YPEL1: variants seen among roughly 807,000 people sequenced by gnomAD.
The protein encoded by YPEL1 is yippee like 1, also known as protein yippee-like 1.
A neutral mutation model predicts 17.3 loss-of-function variants in YPEL1; 7 were observed. That is an observed-to-expected ratio of 0.40 (90% CI 0.23 to 0.76). The LOEUF is 0.76. Among genes scored for constraint, YPEL1 ranks in the 30% least tolerant of loss-of-function variants. The pLI is 0.35. For synonymous variants in YPEL1, 59 were observed against 59.6 expected (o/e 0.99, Z 0.05); for missense variants, 91 against 155.5 (o/e 0.59, Z 2.21).
chr22:21,720,813 GTTT>G (rs60040471), intron 1 of YPEL1, among the ~76,000 whole-genome samples: 2 of 120,448 alleles, frequency 1.7e-5, no homozygotes, highest in Admixed American at 1.8e-4. Flanking sequence ...GGCCGATTTT[GTTT>G]TTTTTTTTTT....
At chr22:21,730,668 A>T (rs1204366458) in intron 1 of YPEL1, among the ~76,000 whole-genome samples, 1 of 152,104 alleles carries the variant, frequency 6.6e-6, no homozygotes, top group African/African-American at 2.4e-5. Context: ...CTTCCTCCCT[A>T]CTTGCATTAC....
At chr22:21,731,340 A>G (rs958523601) in intron 1 of YPEL1, among the ~76,000 whole-genome samples, 2 of 151,944 alleles carry the variant, frequency 1.3e-5, no homozygotes, top group Admixed American at 6.6e-5. Context: ...TCAAAAAAAA[A>G]AAAGAAAGAA....
Position 21,719,981 on chromosome 22 carries a change from C to T in YPEL1, c.-164-9073G>A, listed in dbSNP as rs546678989. 8.8e-4 allele frequency among the ~76,000 whole-genome samples: 130 copies of T among 147,924 alleles called. 1 individual carries two copies. Among genetic ancestry groups the T allele is most frequent in the Non-Finnish European group, 1.6e-3 (108 of 67,132 alleles). On this transcript the variant is annotated intron_variant, in intron 1 of 4. Transcript: ENST00000339468. Reference sequence around the variant, plus strand: ...GAGCCAAGATCGCACCACTGCACTCCAGCGTGGGTGACAGAGCGAGACTCC... The same window carrying T: ...GAGCCAAGATCGCACCACTGCACTCTAGCGTGGGTGACAGAGCGAGACTCC...
Position 21,703,991 on chromosome 22 carries a change from G to A in YPEL1, c.118-109C>T. ...CCGCGGCTGTTAGCTGCGCCGGGAC[G>A]CGTCACCGGGAGCAGACACCGGCGT... On this transcript the variant is annotated intron_variant, in intron 2 of 4. Transcript: ENST00000339468. This position sits in a 1 kb window ranked among gnomAD's most constrained non-coding sequence, Gnocchi z 6.1. The A allele has an allele frequency of 3.2e-6, 4 of 1,242,834 alleles. No individual in the cohort carries two copies. The highest frequency in any genetic ancestry group is 3.5e-6 in the Non-Finnish European group (3 of 865,144). The allele number at this position is 1,242,834 out of a possible 1,614,324, so 77.0% of individuals were successfully genotyped here.
At chr22:21,725,974 G>A (rs1486188533) in intron 1 of YPEL1, among the ~76,000 whole-genome samples, 2 of 152,182 alleles carry the variant, frequency 1.3e-5, no homozygotes, top group African/African-American at 4.8e-5. Flanking sequence ...ACTCCAGCCT[G>A]GGCAACAGAC....
chr22:21,706,493 T>C (rs2068117250), intron 2 of YPEL1, among the ~76,000 whole-genome samples: 1 of 149,502 alleles, frequency 6.7e-6, no homozygotes, highest in African/African-American at 2.5e-5. Flanking sequence ...CATCCATAAG[T>C]GAGTAAGCAA....
chr22:21,723,606 G>A (rs2068304505), intron 1 of YPEL1, among the ~76,000 whole-genome samples: 1 of 151,880 alleles, frequency 6.6e-6, no homozygotes, highest in Non-Finnish European at 1.5e-5. Flanking sequence ...GACCTCAGGT[G>A]ATCCACCACC....
chr22:21,731,013 C>T (rs1276604579), intron 1 of YPEL1, among the ~76,000 whole-genome samples: 1 of 151,640 alleles, frequency 6.6e-6, no homozygotes, highest in East Asian at 1.9e-4. Context: ...TTTTTTTCTA[C>T]CATTAGTAAC....
chr22:21,725,640 A>G (rs2068328188), intron 1 of YPEL1, among the ~76,000 whole-genome samples: 1 of 152,100 alleles, frequency 6.6e-6, no homozygotes, highest in South Asian at 2.1e-4. Flanking sequence ...TATCTAGGGA[A>G]TGAATATGTA....
chr22:21,723,376 T>G (rs932813969), intron 1 of YPEL1, among the ~76,000 whole-genome samples: 7 of 151,498 alleles, frequency 4.6e-5, no homozygotes, highest in African/African-American at 1.7e-4. Context: ...TTAGTTAATA[T>G]TTTTTGAAAC....
intron 4 of YPEL1, 43 bp from the exon 5 acceptor site, chr22:21,701,261 CT>C: frequency 2.0e-6 from 3 of 1,528,222 alleles, no homozygotes; most frequent in East Asian, 2.3e-5. Context: ...GAAGGTTTCA[CT>C]TTTCAATTTC....
At chr22:21,702,256 G>A (rs1456311252) in intron 4 of YPEL1, among the ~76,000 whole-genome samples, 1 of 152,218 alleles carries the variant, frequency 6.6e-6, no homozygotes, top group East Asian at 1.9e-4. Context: ...GGAATGCAGT[G>A]TGGTGGCCAT....
Position 21,703,721 on chromosome 22 carries a change from G to T in YPEL1, c.161+118C>A. 9.0e-7 allele frequency: 1 copy of T among 1,114,312 alleles called. No homozygotes were observed. The allele number at this position is 1,114,312 out of a possible 1,614,324, so 69.0% of individuals were successfully genotyped here. On this transcript the variant is annotated intron_variant, in intron 3 of 4. Transcript: ENST00000339468. This position sits in a 1 kb window ranked among gnomAD's most constrained non-coding sequence, Gnocchi z 6.1. ...TTCAGAAACTCCCGGCGGGGGGATGGTGGGTTCTTTCAGGACCCCTAAAGA... is the reference window on the plus strand; with the variant it reads ...TTCAGAAACTCCCGGCGGGGGGATGTTGGGTTCTTTCAGGACCCCTAAAGA...
chr22:21,730,059 G>T (rs2068373132), intron 1 of YPEL1, among the ~76,000 whole-genome samples: 1 of 151,914 alleles, frequency 6.6e-6, no homozygotes, highest in African/African-American at 2.4e-5. Context: ...GGCTGAGGCG[G>T]GAGAACTGCT....
In YPEL1 at chr22:21,699,588, G is replaced by A. The variant is rs2068043448; in HGVS notation, c.*1541C>T. ...CATGGGACAGCACCACGCAGGGACG[G>A]GCAACGCGTCTAGCAGGCCAGGCGT... On this transcript the variant is annotated 3_prime_UTR_variant, in exon 5 of 5. Transcript: ENST00000339468. The A allele has an allele frequency of 6.6e-6, 1 of 152,572 alleles. No homozygotes were observed. The highest frequency in any genetic ancestry group is 1.5e-5 in the Non-Finnish European group (1 of 68,034). 9.5% of individuals were successfully genotyped at this position (152,572 alleles called of 1,614,324 possible).
At chr22:21,724,956 C>G (rs1172233119) in intron 1 of YPEL1, among the ~76,000 whole-genome samples, 2 of 147,210 alleles carry the variant, frequency 1.4e-5, no homozygotes, top group South Asian at 2.2e-4. Context: ...CGCCCAGGCT[C>G]GAGTGCAATG....
chr22:21,707,552 T>G (rs2068126561), intron 2 of YPEL1, among the ~76,000 whole-genome samples: 1 of 152,206 alleles, frequency 6.6e-6, no homozygotes, highest in Non-Finnish European at 1.5e-5. Context: ...CATTCAGGCT[T>G]AAAAATGAGT....
At chr22:21,711,590 T>G (rs1425281498) in intron 1 of YPEL1, among the ~76,000 whole-genome samples, 1 of 152,204 alleles carries the variant, frequency 6.6e-6, no homozygotes, top group African/African-American at 2.4e-5. Context: ...GGTCACATGA[T>G]CTTCAACAGG....
intron 1 of YPEL1, among the ~76,000 whole-genome samples, chr22:21,727,483 G>A (rs2068346368): frequency 6.6e-6 from 1 of 152,210 alleles, no homozygotes; most frequent in South Asian, 2.1e-4. Flanking sequence ...CACGTTTGGA[G>A]GGCAGCTGCC....
Sources: allele counts gnomAD v4.1 joint callset (sites outside exome capture counted in the v4.1 genomes callset), GRCh38; gene constraint gnomAD v4.1.1; non-coding constraint Gnocchi (gnomAD v3.1); transcripts MANE v1.5; gene names NCBI Gene and HGNC (gene_info 2026-07-23, HGNC 2026-07-21).